PCDH7: variants seen among roughly 807,000 people sequenced by gnomAD.
PCDH7 encodes protocadherin 7, also known as protocadherin-7.
In PCDH7, 17 loss-of-function variants were observed where a neutral mutation model predicts 58.9. That is an observed-to-expected ratio of 0.29 (90% CI 0.20 to 0.43). PCDH7 has a LOEUF of 0.43. Among genes scored for constraint, PCDH7 ranks in the 20% least tolerant of loss-of-function variants. PCDH7 has a pLI of 1.00. For synonymous variants in PCDH7, 664 were observed against 616.4 expected (o/e 1.08, Z -1.14); for missense variants, 1,274 against 1,441.0 (o/e 0.88, Z 1.88).
intron 3 of PCDH7, among the ~76,000 whole-genome samples, chr4:31,069,315 A>G (rs1255401619): frequency 6.6e-6 from 1 of 151,882 alleles, no homozygotes; most frequent in Non-Finnish European, 1.5e-5. Context: ...GGGTTCAAAA[A>G]CCTCATCCAC....
intron 1 of PCDH7, among the ~76,000 whole-genome samples, chr4:30,905,113 A>G (rs1740748085): frequency 6.6e-6 from 1 of 152,230 alleles, no homozygotes; most frequent in Non-Finnish European, 1.5e-5. Flanking sequence ...GGATCTTAAC[A>G]TGCACGTTTC....
chr4:30,729,024 C>T (rs1715067725), intron 1 of PCDH7, among the ~76,000 whole-genome samples: 1 of 151,672 alleles, frequency 6.6e-6, no homozygotes, highest in South Asian at 2.1e-4. Context: ...AATGACTGTA[C>T]ATGAAATCAC....
intron 2 of PCDH7, among the ~76,000 whole-genome samples, chr4:30,944,012 T>G (rs1022791358): frequency 1.3e-5 from 2 of 152,128 alleles, no homozygotes; most frequent in African/African-American, 4.8e-5. Flanking sequence ...ATTATTATTT[T>G]TTTTATTCCA....
At chr4:31,108,956 C>T (rs374393128) in intron 3 of PCDH7, among the ~76,000 whole-genome samples, 69 of 152,228 alleles carry the variant, frequency 4.5e-4, no homozygotes, top group African/African-American at 1.6e-3. Flanking sequence ...TCTGCTTCTG[C>T]GGTCCACTAG....
At chr4:30,767,236 A>G (rs1386573209) in intron 1 of PCDH7, among the ~76,000 whole-genome samples, 5 of 152,234 alleles carry the variant, frequency 3.3e-5, no homozygotes, top group African/African-American at 7.2e-5. Flanking sequence ...GAAATATAAA[A>G]TGTATTTCCT....
chr4:30,755,167 T>C (rs75206308), intron 1 of PCDH7, among the ~76,000 whole-genome samples: 3,550 of 152,286 alleles, frequency 0.023, 215 homozygotes, highest in East Asian at 0.22. Context: ...TCTCATCATA[T>C]GCGTGCCATC....
At position 31,079,562 on chromosome 4, in the gene PCDH7, G is replaced by A. The variant is rs1759326817; in HGVS notation, c.*8-62911G>A. 2.7e-5 allele frequency among the ~76,000 whole-genome samples: 4 copies of A among 150,506 alleles called. 1 individual carries two copies. In the South Asian group the frequency reaches 8.4e-4, roughly 32 times the overall value. ...ATACCAAGTATATGTTTAAGATGTG[G>A]AGAGATAGAAATTTTCATATACTGT... On this transcript the variant is annotated intron_variant, in intron 3 of 3. Transcript: ENST00000509759.
At chr4:30,822,933 G>C (rs978448916) in intron 1 of PCDH7, among the ~76,000 whole-genome samples, 1 of 152,002 alleles carries the variant, frequency 6.6e-6, no homozygotes, top group Admixed American at 6.6e-5. Context: ...AGCGTTTTGC[G>C]TTTTATATGT....
chr4:31,123,000 G>C (rs1200410418), intron 3 of PCDH7, among the ~76,000 whole-genome samples: 2 of 151,784 alleles, frequency 1.3e-5, no homozygotes, highest in Non-Finnish European at 2.9e-5. Context: ...CCTAATCTTT[G>C]AAATTAAATT....
intron 3 of PCDH7, among the ~76,000 whole-genome samples, chr4:31,011,432 T>A (rs6840317): frequency 0.39 from 59,147 of 151,758 alleles, 13,547 homozygotes; most frequent in African/African-American, 0.63. Context: ...TAGTGAAGTA[T>A]CTTGAATTAC....
chr4:30,904,609 T>C (rs1308359721), intron 1 of PCDH7, among the ~76,000 whole-genome samples: 2 of 152,210 alleles, frequency 1.3e-5, no homozygotes, highest in Non-Finnish European at 2.9e-5. Context: ...GGAGTCTATT[T>C]TTCTACTTAG....
Position 30,721,309 on chromosome 4 carries a change from T to C in PCDH7, c.-114T>C. The C allele has an allele frequency of 9.1e-7, 1 of 1,102,070 alleles. No individual in the cohort carries two copies. The highest frequency in any genetic ancestry group is 1.2e-6 in the Non-Finnish European group (1 of 805,266). The allele number at this position is 1,102,070 out of a possible 1,614,324, so 68.3% of individuals were successfully genotyped here. On this transcript the variant is annotated 5_prime_UTR_variant, in exon 1 of 2. Transcript: ENST00000361762. The surrounding 1 kb of genome is among the most constrained non-coding windows in gnomAD (Gnocchi z 6.7). ...CCTCCCTCCCCTCCCTCTCGCTCCT[T>C]CCTTTCCGGGAGAGGGGAGAGGACT...
chr4:31,121,715 G>A (rs149805083), intron 3 of PCDH7, among the ~76,000 whole-genome samples: 489 of 152,176 alleles, frequency 3.2e-3, no homozygotes, highest in African/African-American at 8.1e-3. Context: ...AAGAAAACGC[G>A]TCTCTCATAA....
intron 1 of PCDH7, among the ~76,000 whole-genome samples, chr4:30,866,888 G>A (rs557665051): frequency 1.6e-4 from 24 of 152,056 alleles, no homozygotes; most frequent in Non-Finnish European, 3.2e-4. Context: ...TAAACCTGAC[G>A]TTTTGTTTTC....
At chr4:31,086,263 G>A (rs1208560634) in intron 3 of PCDH7, among the ~76,000 whole-genome samples, 1 of 151,984 alleles carries the variant, frequency 6.6e-6, no homozygotes, top group African/African-American at 2.4e-5. Context: ...CCTTTTATTT[G>A]TTTTAAATAA....
chr4:30,864,167 T>C (rs938296435), intron 1 of PCDH7, among the ~76,000 whole-genome samples: 2 of 152,070 alleles, frequency 1.3e-5, no homozygotes, highest in Non-Finnish European at 2.9e-5. Context: ...TTCATTTATA[T>C]GTTTATTCAT....
rs141407193 is a variant in PCDH7 at position 31,133,685 on chromosome 4, G to A, written c.*8-8788G>A. 1.2e-3 allele frequency among the ~76,000 whole-genome samples: 182 copies of A among 152,206 alleles called. 1 individual carries two copies. The highest frequency in any genetic ancestry group is 4.2e-3 in the African/African-American group (173 of 41,528). On this transcript the variant is annotated intron_variant, in intron 3 of 3. Coordinates refer to the PCDH7 transcript ENST00000509759. ...CATCTCTGATGTGCATAAATTGATC[G>A]CTCCTAAGCAGTCCTCGCACATTTT...
intron 3 of PCDH7, among the ~76,000 whole-genome samples, chr4:31,013,287 T>C (rs1753333334): frequency 7.2e-6 from 1 of 139,490 alleles, no homozygotes; most frequent in South Asian, 2.6e-4. Context: ...AGACTATGTG[T>C]ACATATATCT....
chr4:30,993,763 A>C (rs906636297), intron 3 of PCDH7, among the ~76,000 whole-genome samples: 1 of 151,952 alleles, frequency 6.6e-6, no homozygotes, highest in Non-Finnish European at 1.5e-5. Flanking sequence ...CCAAATAGTG[A>C]TAATCCTAAA....
Sources: allele counts gnomAD v4.1 joint callset (sites outside exome capture counted in the v4.1 genomes callset), GRCh38; gene constraint gnomAD v4.1.1; non-coding constraint Gnocchi (gnomAD v3.1); transcripts MANE v1.5; gene names NCBI Gene and HGNC (gene_info 2026-07-23, HGNC 2026-07-21).